Variants in NME8 observed in about 807,000 individuals in gnomAD.
NME8 encodes the protein NME/NM23 family member 8.
In NME8, 72 loss-of-function variants were observed where a neutral mutation model predicts 82.3. The ratio of observed to expected loss-of-function variants is 0.87; its 90% CI spans 0.72 to 1.06. NME8 has a LOEUF of 1.06. Among genes scored for constraint, NME8 ranks in the 50% least tolerant of loss-of-function variants. The probability of loss-of-function intolerance (pLI) is 0.00; values close to 1 mark genes in which losing one functional copy is unlikely to be tolerated. For synonymous variants in NME8, 267 were observed against 228.5 expected, an observed-to-expected ratio of 1.17 and a Z score of -1.52; for missense variants, 712 against 685.4, an observed-to-expected ratio of 1.04 and a Z score of -0.43.
At chr7:37,865,793 A>G (rs181102933) in intron 10 of NME8, among the ~76,000 whole-genome samples, 176 bp downstream of exon 10, 27 of 152,262 alleles carry the variant, frequency 1.8e-4, no homozygotes, top group African/African-American at 6.5e-4. Flanking sequence ...TCTGAAAAAA[A>G]TCTTCGGTAG....
At position 37,884,361 on chromosome 7, in the gene NME8, A is replaced by G. The variant is rs1444480277; in HGVS notation, c.1053A>G (p.Val351=). The G allele has an allele frequency of 6.2e-7, 1 of 1,600,298 alleles. No individual in the cohort carries two copies. Among genetic ancestry groups the G allele is most frequent in the South Asian group, 1.1e-5 (1 of 90,840 alleles). Residue 351 remains valine (V), a synonymous_variant, in exon 13 of 18, where the codon GTA becomes GTG. Coordinates refer to ENST00000199447, the MANE Select transcript of NME8 (RefSeq NM_016616.5). ...EDFKILEQRQ[V]VLSEKEAQAL... The stretch of plus-strand genomic sequence containing the variant: ...TCAAAATACTGGAGCAAAGACAAGT[A>G]GTATTATCGGAAAAAGAAGCACAAG...
chr7:37,897,759 T>C (rs1160255068), intron 17 of NME8, among the ~76,000 whole-genome samples: 2 of 149,280 alleles, frequency 1.3e-5, no homozygotes, highest in Admixed American at 6.8e-5. Flanking sequence ...AGTGAGAACA[T>C]GTAATGTTTG....
chr7:37,855,890 T>C (rs1043533221), intron 5 of NME8, among the ~76,000 whole-genome samples: 1 of 152,148 alleles, frequency 6.6e-6, no homozygotes, highest in Non-Finnish European at 1.5e-5. Context: ...GTGCAAGATC[T>C]ATATGCCTGC....
At position 37,867,756 on chromosome 7, in the gene NME8, G is replaced by C; in HGVS notation, c.676G>C (p.Val226Leu). 2 of 1,613,738 alleles carry C rather than the reference G, an allele frequency of 1.2e-6. No individual in the cohort carries two copies. The highest frequency in any genetic ancestry group is 2.2e-5 in the South Asian group (2 of 91,080). The stretch of plus-strand genomic sequence containing the variant: ...GACAAGTGGCTTAAGCTATATTCTA[G>C]TTGTATCTCAAGGAAGTAAACACAA... ...FMTSGLSYIL[V>L]VSQGSKHNPP... Residue 226 changes from valine to leucine, a missense_variant, in exon 11 of 18, where the codon GTT becomes CTT. Val to Leu is a conservative substitution (Grantham distance 32). Coordinates refer to ENST00000199447, the MANE Select transcript of NME8 (RefSeq NM_016616.5).
intron 7 of NME8, among the ~76,000 whole-genome samples, chr7:37,862,822 T>C (rs187415912): frequency 6.6e-6 from 1 of 152,268 alleles, no homozygotes; most frequent in African/African-American, 2.4e-5. Flanking sequence ...CATGCTCTTA[T>C]TAAATTTTAA....
At chr7:37,855,872 C>G (rs1784504580) in intron 5 of NME8, among the ~76,000 whole-genome samples, 1 of 152,014 alleles carries the variant, frequency 6.6e-6, no homozygotes, top group African/African-American at 2.4e-5. Flanking sequence ...AAAGGTATTT[C>G]AGAAAAAGTG....
intron 8 of NME8, among the ~76,000 whole-genome samples, 177 bp downstream of exon 8, chr7:37,863,639 C>T (rs1001231473): frequency 6.6e-6 from 1 of 152,162 alleles, no homozygotes; most frequent in Non-Finnish European, 1.5e-5. Flanking sequence ...CCTTCTTTTC[C>T]TCACTCGCCT....
At chr7:37,853,963 G>A (rs1784473738) in intron 5 of NME8, among the ~76,000 whole-genome samples, 2 of 149,978 alleles carry the variant, frequency 1.3e-5, no homozygotes, top group Non-Finnish European at 3.0e-5. Context: ...AATAATTTAT[G>A]TATTATAATA....
At chr7:37,885,755 A>G (rs1785031292) in intron 14 of NME8, among the ~76,000 whole-genome samples, 1 of 151,918 alleles carries the variant, frequency 6.6e-6, no homozygotes, top group African/African-American at 2.4e-5. Flanking sequence ...CATAGGGGGA[A>G]CTCTTTCAAT....
At chr7:37,872,882 C>T (rs1039702204) in intron 11 of NME8, among the ~76,000 whole-genome samples, 1 of 152,180 alleles carries the variant, frequency 6.6e-6, no homozygotes, top group African/African-American at 2.4e-5. Context: ...ACCACACCCC[C>T]ACCCCACACA....
At chr7:37,860,832 C>T (rs954277001) in intron 6 of NME8, among the ~76,000 whole-genome samples, 1 of 152,198 alleles carries the variant, frequency 6.6e-6, no homozygotes, top group Non-Finnish European at 1.5e-5. Context: ...CTTCTATTGT[C>T]TCTGAATTTG....
chr7:37,871,856 C>T (rs1337278575), intron 11 of NME8, among the ~76,000 whole-genome samples: 1 of 151,956 alleles, frequency 6.6e-6, no homozygotes, highest in African/African-American at 2.4e-5. Flanking sequence ...AGATACAATT[C>T]CTAAAATAAT....
chr7:37,877,963 T>C (rs2131961145), intron 12 of NME8, among the ~76,000 whole-genome samples: 1 of 152,302 alleles, frequency 6.6e-6, no homozygotes, highest in South Asian at 2.1e-4. Flanking sequence ...TCTGTATGCC[T>C]TTTATTTCTT....
rs80185972 is a variant in NME8, at chr7:37,859,693, C to T, written c.271-2335C>T. 3.1e-4 allele frequency among the ~76,000 whole-genome samples: 47 copies of T among 152,274 alleles called. No individual in the cohort carries two copies. In the East Asian group the frequency reaches 7.1e-3, roughly 23 times the overall value. On this transcript the variant is annotated intron_variant, in intron 6 of 17. Transcript: ENST00000199447. ...GTCTATTGATGACTGAAGTCTTTGG[C>T]GTGTGGTTTAAAGTCTTACTCTCAA... is the stretch of plus-strand genomic sequence containing the variant.
At chr7:37,864,560 A>C (rs898091175) in intron 9 of NME8, 139 bp downstream of exon 9, 1 of 870,518 alleles carries the variant, frequency 1.1e-6, no homozygotes, top group Non-Finnish European at 1.7e-6. Context: ...AGAGGCTTTG[A>C]GTACTTTATG....
At chr7:37,882,707 A>T (rs1784982763) in intron 12 of NME8, among the ~76,000 whole-genome samples, 1 of 152,092 alleles carries the variant, frequency 6.6e-6, no homozygotes, top group Non-Finnish European at 1.5e-5. Flanking sequence ...TTGAAGTATG[A>T]TTTTTTTATG....
chr7:37,877,922 A>C (rs1056604859), intron 12 of NME8, among the ~76,000 whole-genome samples: 4 of 152,202 alleles, frequency 2.6e-5, no homozygotes, highest in African/African-American at 4.8e-5. Flanking sequence ...TAGGGTTTGC[A>C]AAGTGAGATA....
chr7:37,850,867 A>G (rs1227806615), intron 5 of NME8, 132 bp downstream of exon 5: 2 of 675,154 alleles, frequency 3.0e-6, no homozygotes, highest in Non-Finnish European at 5.3e-6. Context: ...TTTACTTGGC[A>G]GTTTTACTAT....
At chr7:37,862,534 T>G (rs1480893708) in intron 7 of NME8, among the ~76,000 whole-genome samples, 3 of 152,158 alleles carry the variant, frequency 2.0e-5, no homozygotes. Flanking sequence ...TAAGTGTAAG[T>G]ATATAGCAAT....
Sources: gnomAD v4.1 joint callset for allele counts (sites outside exome capture counted in the v4.1 genomes callset) on GRCh38, gnomAD v4.1.1 for gene constraint, MANE v1.5 for transcripts, NCBI Gene and HGNC (gene_info 2026-07-23, HGNC 2026-07-21) for gene names.